The following RNF180 variants were observed in gnomAD, a reference collection of about 807,000 sequenced individuals.
RNF180 encodes the protein E3 ubiquitin-protein ligase RNF180.
In RNF180, 38 loss-of-function variants were observed where a neutral mutation model predicts 59.2. That is an observed-to-expected ratio of 0.64 (90% CI 0.50 to 0.84). The LOEUF is 0.84. Among genes scored for constraint, RNF180 ranks in the 40% least tolerant of loss-of-function variants. RNF180 has a pLI of 0.00. For missense variants in RNF180, 705 were observed against 700.9 expected (o/e 1.01, Z -0.07); for synonymous variants, 262 against 240.3 (o/e 1.09, Z -0.84).
chr5:64,338,552 G>A (rs1435063513), intron 7 of RNF180, among the ~76,000 whole-genome samples: 3 of 151,616 alleles, frequency 2.0e-5, no homozygotes, highest in East Asian at 2.0e-4. Flanking sequence ...GGAGAATGGC[G>A]TGAATCCGGG....
chr5:64,364,165 T>G (rs894740160), intron 7 of RNF180, among the ~76,000 whole-genome samples: 2 of 151,786 alleles, frequency 1.3e-5, no homozygotes, highest in African/African-American at 2.4e-5. Context: ...CTTATGTTTT[T>G]CAAGGGGAAT....
chr5:64,324,765 G>T (rs751899290), intron 5 of RNF180, among the ~76,000 whole-genome samples: 7 of 152,098 alleles, frequency 4.6e-5, no homozygotes, highest in Middle Eastern at 3.2e-3. Flanking sequence ...GAAGTATGAC[G>T]TCTTCTGCCT....
intron 1 of RNF180, among the ~76,000 whole-genome samples, chr5:64,200,168 C>T (rs969828851): frequency 2.6e-5 from 4 of 152,116 alleles, no homozygotes; most frequent in South Asian, 2.1e-4. Context: ...CAGTGGTTCA[C>T]GCCTGTAATC....
chr5:64,301,821 C>G (rs1450429011), intron 5 of RNF180, among the ~76,000 whole-genome samples: 1 of 151,472 alleles, frequency 6.6e-6, no homozygotes, highest in Non-Finnish European at 1.5e-5. Flanking sequence ...AGGAATGGCA[C>G]ATATCACTTC....
intron 6 of RNF180, among the ~76,000 whole-genome samples, chr5:64,329,910 C>T (rs977562286): frequency 1.3e-5 from 2 of 152,180 alleles, no homozygotes; most frequent in East Asian, 1.9e-4. Flanking sequence ...TGGCCCAGTT[C>T]CTAACAGGCC....
chr5:64,226,511 G>T (rs1741769316), intron 5 of RNF180, among the ~76,000 whole-genome samples: 1 of 152,074 alleles, frequency 6.6e-6, no homozygotes, highest in African/African-American at 2.4e-5. Context: ...AGTACCCAGG[G>T]ACACAAACAC....
chr5:64,361,174 G>A (rs553466025), intron 7 of RNF180, among the ~76,000 whole-genome samples: 1 of 151,398 alleles, frequency 6.6e-6, no homozygotes, highest in South Asian at 2.1e-4. Flanking sequence ...AGGTAAAAGT[G>A]TCATAAAACA....
At chr5:64,256,042 G>T (rs1248415660) in intron 5 of RNF180, among the ~76,000 whole-genome samples, 3 of 151,840 alleles carry the variant, frequency 2.0e-5, no homozygotes, top group Non-Finnish European at 4.4e-5. Flanking sequence ...CTTGTTGATG[G>T]GGTTGTTTGT....
Position 64,217,343 on chromosome 5 carries a change from A to C in RNF180, c.1192-18A>C. 1 of 1,394,928 alleles carries C rather than the reference A, an allele frequency of 7.2e-7. No individual in the cohort carries two copies. The highest frequency in any genetic ancestry group is 2.6e-4 in the Middle Eastern group (1 of 3,858). The allele number at this position is 1,394,928 out of a possible 1,614,324, so 86.4% of individuals were successfully genotyped here. On this transcript the variant is annotated intron_variant, in intron 4 of 7. Coordinates refer to ENST00000389100, the MANE Select transcript of RNF180 (RefSeq NM_001113561.2). ...CATGTGCTTATTTTTGTGTGAACCTAATTTTTTATTTCTCTAGGGTAAATA... is the reference window on the plus strand; with the variant it reads ...CATGTGCTTATTTTTGTGTGAACCTCATTTTTTATTTCTCTAGGGTAAATA...
rs759962265 is a variant in RNF180, at chr5:64,312,977, G to A, written c.1228-12209G>A. Among the ~76,000 whole-genome samples the A allele has an allele frequency of 6.6e-5, 10 of 152,076 alleles. 1 individual carries two copies. The highest frequency in any genetic ancestry group is 1.5e-4 in the Non-Finnish European group (10 of 68,010). On this transcript the variant is annotated intron_variant, in intron 5 of 7. Coordinates refer to ENST00000389100, the MANE Select transcript of RNF180 (RefSeq NM_001113561.2). ...TGGCCTTTTGAAGTAAATTCAGGTT[G>A]AGTATCCCTTATCTAAAATGCTTGA...
intron 5 of RNF180, among the ~76,000 whole-genome samples, chr5:64,259,539 C>T (rs556667638): frequency 6.6e-6 from 1 of 152,116 alleles, no homozygotes; most frequent in African/African-American, 2.4e-5. Flanking sequence ...GAGACTTACT[C>T]CTATTGTCTG....
In RNF180 at chr5:64,325,498, A is replaced by C. The variant is rs895724331; in HGVS notation, c.1453+87A>C. On this transcript the variant is annotated intron_variant, in intron 6 of 7. Coordinates refer to ENST00000389100, the MANE Select transcript of RNF180 (RefSeq NM_001113561.2). ...TACTTTATAAATTAAAAAGTTACTG[A>C]AAATCACATATACCATAATTTGTTA... 3.3e-6 allele frequency: 3 copies of C among 922,304 alleles called. No individual in the cohort carries two copies. In the African/African-American group the frequency reaches 5.0e-5, roughly 15 times the overall value. 57.1% of individuals were successfully genotyped at this position (922,304 alleles called of 1,614,324 possible).
intron 7 of RNF180, among the ~76,000 whole-genome samples, chr5:64,359,555 G>C (rs1294391588): frequency 2.0e-5 from 3 of 151,762 alleles, no homozygotes; most frequent in Admixed American, 6.6e-5. Context: ...AGATGAGTAG[G>C]TTGTGAAAAT....
At chr5:64,300,313 A>G (rs1197469494) in intron 5 of RNF180, among the ~76,000 whole-genome samples, 3 of 151,810 alleles carry the variant, frequency 2.0e-5, no homozygotes, top group Non-Finnish European at 2.9e-5. Context: ...TAAACCCACA[A>G]TGCTTAAGTA....
intron 7 of RNF180, among the ~76,000 whole-genome samples, chr5:64,353,602 A>G (rs1360769388): frequency 6.6e-6 from 1 of 151,854 alleles, no homozygotes; most frequent in Non-Finnish European, 1.5e-5. Flanking sequence ...ATATAAATGT[A>G]TGTTATATAA....
intron 5 of RNF180, among the ~76,000 whole-genome samples, chr5:64,297,431 G>A (rs1186220579): frequency 1.3e-5 from 2 of 151,684 alleles, no homozygotes; most frequent in African/African-American, 2.4e-5. Context: ...AATTTGGCTC[G>A]AGTTTCAATT....
intron 1 of RNF180, among the ~76,000 whole-genome samples, chr5:64,171,450 A>C (rs934071207): frequency 9.9e-5 from 15 of 152,184 alleles, no homozygotes; most frequent in Admixed American, 9.8e-4. Flanking sequence ...CATATAGACT[A>C]TAACAGGCAC....
rs1467870669 is a variant in RNF180 at position 64,271,526 on chromosome 5, TGTA to T, written c.1228-53655_1228-53653del. ...TAGGCTATATCATATATCCTAGGTG[TGTA>T]GTAGGATATACTATCTAAGTTTGTG... On this transcript the variant is annotated intron_variant, in intron 5 of 7. Transcript: ENST00000389100. Among the ~76,000 whole-genome samples the T allele has an allele frequency of 3.3e-5, 5 of 152,178 alleles. No homozygotes were observed. The South Asian group carries it at 1.0e-3, about 32-fold the overall frequency.
At chr5:64,345,852 A>C (rs2112571816) in intron 7 of RNF180, among the ~76,000 whole-genome samples, 1 of 152,338 alleles carries the variant, frequency 6.6e-6, no homozygotes, top group South Asian at 2.1e-4. Context: ...TAGATCCAAA[A>C]AAATCCTTAA....
Sources: allele counts gnomAD v4.1 joint callset (sites outside exome capture counted in the v4.1 genomes callset), GRCh38; gene constraint gnomAD v4.1.1; transcripts MANE v1.5; gene names NCBI Gene and HGNC (gene_info 2026-07-23, HGNC 2026-07-21).